The following TYK2 variants were observed in gnomAD, a reference collection of about 807,000 sequenced individuals.
TYK2 encodes tyrosine kinase 2, also known as non-receptor tyrosine-protein kinase TYK2.
Under a neutral mutation model 130.9 loss-of-function variants are expected in TYK2, and 65 were observed. That is an observed-to-expected ratio of 0.50 (90% CI 0.41 to 0.61). TYK2 has a LOEUF of 0.61. Among genes scored for constraint, TYK2 ranks in the 20% least tolerant of loss-of-function variants. The pLI is 0.00. For synonymous variants in TYK2, 647 were observed against 658.9 expected (o/e 0.98, Z 0.28); for missense variants, 1,378 against 1,610.7 (o/e 0.86, Z 2.47).
chr19:10,376,792 G>A (rs1249583996), intron 3 of TYK2, among the ~76,000 whole-genome samples: 1 of 150,860 alleles, frequency 6.6e-6, no homozygotes, highest in Non-Finnish European at 1.5e-5. Flanking sequence ...AGTAGAGCTG[G>A]AGTTTTGCCA....
At position 10,353,581 on chromosome 19, in the gene TYK2, G is replaced by A. The variant is rs370401636; in HGVS notation, c.2974C>T (p.Arg992Trp). Reference sequence around the variant, plus strand: ...AGCTGGGCCAGCCCGATGCTGTGCCGGGGCAGGTAGTCTCGGAGGCTGCCC... The same window carrying A: ...AGCTGGGCCAGCCCGATGCTGTGCCAGGGCAGGTAGTCTCGGAGGCTGCCC... ...PLGSLRDYLP[R>W]HSIGLAQLLL... Residue 992 changes from arginine (R) to tryptophan (W), a missense_variant, in exon 21 of 25, where the codon CGG becomes TGG. Arg to Trp is a moderately radical substitution (Grantham distance 101). Transcript: ENST00000525621. The surrounding 1 kb of genome is among the most constrained non-coding windows in gnomAD (Gnocchi z 6.9). 42 of 1,490,290 alleles carry A rather than the reference G, an allele frequency of 2.8e-5. No individual in the cohort carries two copies. Among genetic ancestry groups the A allele is most frequent in the African/African-American group, 8.4e-5 (6 of 71,542 alleles). The allele number at this position is 1,490,290 out of a possible 1,614,324, so 92.3% of individuals were successfully genotyped here. A position where few individuals can be genotyped will look rare whatever the true frequency, so the allele number is the denominator to read the frequency against.
At chr19:10,359,894 C>T (rs964619261) in intron 14 of TYK2, among the ~76,000 whole-genome samples, 4 of 152,010 alleles carry the variant, frequency 2.6e-5, no homozygotes, top group Admixed American at 2.0e-4. Flanking sequence ...TGGTGGGCGC[C>T]GGTAGTCCCA....
intron 3 of TYK2, among the ~76,000 whole-genome samples, chr19:10,372,980 C>T (rs1020987744): frequency 2.6e-5 from 4 of 152,008 alleles, no homozygotes; most frequent in Non-Finnish European, 5.9e-5. Flanking sequence ...TCTCCTGTCT[C>T]AGCCTCCTGA....
At chr19:10,366,797 C>A (rs1001088000) in intron 5 of TYK2, among the ~76,000 whole-genome samples, 1 of 150,564 alleles carries the variant, frequency 6.6e-6, no homozygotes, top group Non-Finnish European at 1.5e-5. Context: ...ATAATCCCAG[C>A]ACTTTGGGAG....
Position 10,361,408 on chromosome 19 carries a change from C to A in TYK2, c.2047+103G>T. ...GTACAGGTGAGAGTTGAGAAATAGGCATAGGTTGGGGTGTAGGTCGAGGGT... is the reference window on the plus strand; with the variant it reads ...GTACAGGTGAGAGTTGAGAAATAGGAATAGGTTGGGGTGTAGGTCGAGGGT... On this transcript the variant is annotated intron_variant, in intron 14 of 24. Transcript: ENST00000525621. The surrounding 1 kb of genome is among the most constrained non-coding windows in gnomAD (Gnocchi z 4.0). 1 of 1,131,108 alleles carries A rather than the reference C, an allele frequency of 8.8e-7. No homozygotes were observed. The highest frequency in any genetic ancestry group is 1.3e-6 in the Non-Finnish European group (1 of 777,618). The allele number at this position is 1,131,108 out of a possible 1,614,324, so 70.1% of individuals were successfully genotyped here.
chr19:10,360,240 ATCCT>A, intron 14 of TYK2, among the ~76,000 whole-genome samples: 1 of 152,084 alleles, frequency 6.6e-6, no homozygotes, highest in Middle Eastern at 3.4e-3. Flanking sequence ...CATGCCTGCA[ATCCT>A]GTCACTTTGG....
intron 18 of TYK2, among the ~76,000 whole-genome samples, chr19:10,356,060 A>G (rs1221689851): frequency 6.6e-6 from 1 of 151,668 alleles, no homozygotes; most frequent in Non-Finnish European, 1.5e-5. Context: ...CTCTAATCCA[A>G]AGAAGTTGTG....
At position 10,353,537 on chromosome 19, in the gene TYK2, C is replaced by T; in HGVS notation, c.3018G>A (p.Gln1006=). 6.7e-7 allele frequency: 1 copy of T among 1,501,226 alleles called. No individual in the cohort carries two copies. The highest frequency in any genetic ancestry group is 8.9e-7 in the Non-Finnish European group (1 of 1,121,866). The allele number at this position is 1,501,226 out of a possible 1,614,324, so 93.0% of individuals were successfully genotyped here. The change falls in exon 21 of 25, where the codon CAG becomes CAA. Residue 1006 remains glutamine (Q), a synonymous_variant. Transcript: ENST00000525621. The surrounding 1 kb of genome is among the most constrained non-coding windows in gnomAD (Gnocchi z 6.9). Reference sequence around the variant, plus strand: ...GGCGGGGCCGACCAACCTCGCAGATCTGCTGGGCGAAGAGCAGCAGCTGGG... The same window carrying T: ...GGCGGGGCCGACCAACCTCGCAGATTTGCTGGGCGAAGAGCAGCAGCTGGG... The part of the protein sequence containing the change: ...GLAQLLLFAQ[Q]ICEGMAYLHA...
At chr19:10,362,762 A>G in intron 9 of TYK2, 105 bp from the exon 10 acceptor site, 1 of 989,028 alleles carries the variant, frequency 1.0e-6, no homozygotes, top group Non-Finnish European at 1.5e-6. Flanking sequence ...ACACACAGCT[A>G]GGACAAGTGT....
Position 10,368,321 on chromosome 19 carries a change from T to G in TYK2, c.291A>C (p.Ala97=), listed in dbSNP as rs760297467. 6.2e-7 allele frequency: 1 copy of G among 1,614,002 alleles called. No individual in the cohort carries two copies. The highest frequency in any genetic ancestry group is 8.5e-7 in the Non-Finnish European group (1 of 1,180,028). ...TTATGCGGAAATATAGCATCAGGCT[T>G]GCATCTCTGGGGATCTCTAGGATGT... is the stretch of plus-strand genomic sequence containing the variant. ...PNHILEIPRD[A]SLMLYFRIRF... Residue 97 remains alanine, a synonymous_variant, in exon 4 of 25, where the codon GCA becomes GCC. Transcript: ENST00000525621.
In TYK2 at chr19:10,361,391, G is replaced by A. The variant is rs930986835; in HGVS notation, c.2047+120C>T. ...TGTAGCCCGGGATCAGAGTACAGGT[G>A]AGAGTTGAGAAATAGGCATAGGTTG... is the stretch of plus-strand genomic sequence containing the variant. On this transcript the variant is annotated intron_variant, in intron 14 of 24. Coordinates refer to ENST00000525621, the MANE Select transcript of TYK2 (RefSeq NM_003331.5). This position sits in a 1 kb window ranked among gnomAD's most constrained non-coding sequence, Gnocchi z 4.0. 2 of 963,210 alleles carry A rather than the reference G, an allele frequency of 2.1e-6. No homozygotes were observed. The highest frequency in any genetic ancestry group is 2.0e-5 in the Admixed American group (1 of 49,854). The allele number at this position is 963,210 out of a possible 1,614,324, so 59.7% of individuals were successfully genotyped here. A position where few individuals can be genotyped will look rare whatever the true frequency, so the allele number is the denominator to read the frequency against.
chr19:10,351,436 G>A (rs1224480259), intron 23 of TYK2: 10 of 390,184 alleles, frequency 2.6e-5, no homozygotes, highest in African/African-American at 1.0e-4. Flanking sequence ...GCAGTGAGCC[G>A]AGATTGTGCC....
chr19:10,365,114 C>A lies in TYK2; in HGVS notation c.1012-66G>T. ...TGCCCGTTTATACCTCCTGCACTTT[C>A]CCCTGGGGAGAGACTGGAGCCAGAA... On this transcript the variant is annotated intron_variant, in intron 7 of 24. Coordinates refer to ENST00000525621, the MANE Select transcript of TYK2 (RefSeq NM_003331.5). 8.1e-6 allele frequency: 12 copies of A among 1,483,148 alleles called. No homozygotes were observed. The South Asian group carries it at 1.6e-4, about 20-fold the overall frequency. 91.9% of individuals were successfully genotyped at this position (1,483,148 alleles called of 1,614,324 possible).
intron 14 of TYK2, 64 bp from the exon 15 acceptor site, chr19:10,359,366 G>C (rs1396691775): frequency 3.2e-6 from 5 of 1,582,620 alleles, no homozygotes; most frequent in Non-Finnish European, 4.3e-6. Context: ...GCGGGGAATT[G>C]GGGGAGACGC....
chr19:10,353,928 G>T lies in TYK2; in HGVS notation c.2908+114C>A, dbSNP rs1599328571. The T allele has an allele frequency of 8.6e-7, 1 of 1,163,550 alleles. No homozygotes were observed. Among genetic ancestry groups the T allele is most frequent in the Non-Finnish European group, 1.3e-6 (1 of 795,904 alleles). The allele number at this position is 1,163,550 out of a possible 1,614,324, so 72.1% of individuals were successfully genotyped here. On this transcript the variant is annotated intron_variant, in intron 20 of 24. Transcript: ENST00000525621. This position sits in a 1 kb window ranked among gnomAD's most constrained non-coding sequence, Gnocchi z 6.9. ...CAGATGCCAAGAACCGCGTACTGCA[G>T]CCTGGGGTTGAGAGTCTCTAATTGG...
In TYK2 at chr19:10,366,733, TA is replaced by T. The variant is rs750662938; in HGVS notation, c.466-154del. Among the ~76,000 whole-genome samples, 18,569 of 101,804 alleles carry T rather than the reference TA, an allele frequency of 0.18. 1,173 individuals are homozygous for T. Among genetic ancestry groups the T allele is most frequent in the Middle Eastern group, 0.25 (46 of 184 alleles). 66.8% of individuals were successfully genotyped at this position (101,804 alleles called of 152,430 possible). A position where few individuals can be genotyped will look rare whatever the true frequency, so the allele number is the denominator to read the frequency against. On this transcript the variant is annotated intron_variant, in intron 5 of 24. Coordinates refer to ENST00000525621, the MANE Select transcript of TYK2 (RefSeq NM_003331.5). ...CTAACACTAATGATAGCTGATGAGC[TA>T]AAAAAAAAAAAAAAAAAAGAATATC...
Position 10,353,567 on chromosome 19 carries a change from C to T in TYK2, c.2988G>A (p.Gly996=). 2 of 1,498,434 alleles carry T rather than the reference C, an allele frequency of 1.3e-6. No homozygotes were observed. The highest frequency in any genetic ancestry group is 4.8e-5 in the East Asian group (2 of 41,642). 92.8% of individuals were successfully genotyped at this position (1,498,434 alleles called of 1,614,324 possible). The change falls in exon 21 of 25, where the codon GGG becomes GGA. Residue 996 remains glycine (G), a synonymous_variant. Coordinates refer to ENST00000525621, the MANE Select transcript of TYK2 (RefSeq NM_003331.5). The surrounding 1 kb of genome is among the most constrained non-coding windows in gnomAD (Gnocchi z 6.9). Reference sequence around the variant, plus strand: ...GGGCGAAGAGCAGCAGCTGGGCCAGCCCGATGCTGTGCCGGGGCAGGTAGT... The same window carrying T: ...GGGCGAAGAGCAGCAGCTGGGCCAGTCCGATGCTGTGCCGGGGCAGGTAGT... The part of the protein sequence containing the change: ...LRDYLPRHSI[G]LAQLLLFAQQ...
rs763286803 is a variant in TYK2, at chr19:10,378,289, C to T, written c.118G>A (p.Gly40Arg). 72 of 1,612,774 alleles carry T rather than the reference C, an allele frequency of 4.5e-5. No homozygotes were observed. Among genetic ancestry groups the T allele is most frequent in the African/African-American group, 1.6e-4 (12 of 74,898 alleles). Residue 40 changes from glycine (G) to arginine (R), a missense_variant, in exon 3 of 25, where the codon GGG becomes AGG. Gly to Arg is a moderately radical substitution (Grantham distance 125, BLOSUM62 -2). Transcript: ENST00000525621. ...TCACTGAAAGTGACCCAGGGCTCCC[C>T]GCCGCCTGGACCAGCCCAGTGCAGA... Reference protein sequence around the residue: ...VLLHWAGPGGGEPWVTFSESS... With the variant: ...VLLHWAGPGGREPWVTFSESS...
At chr19:10,357,005 A>G in intron 17 of TYK2, 1 of 501,526 alleles carries the variant, frequency 2.0e-6, no homozygotes, top group South Asian at 2.1e-5. Flanking sequence ...TCCTTAATAC[A>G]CTGAAGCCTC....
Sources: allele counts gnomAD v4.1 joint callset (sites outside exome capture counted in the v4.1 genomes callset), GRCh38; gene constraint gnomAD v4.1.1; non-coding constraint Gnocchi (gnomAD v3.1); transcripts MANE v1.5; gene names NCBI Gene and HGNC (gene_info 2026-07-23, HGNC 2026-07-21).